The following AKAP9 variants were observed in gnomAD, a reference collection of about 807,000 sequenced individuals.
AKAP9 encodes A-kinase anchoring protein 9.
In AKAP9, 311 loss-of-function variants were observed where a neutral mutation model predicts 488.5. The observed-to-expected ratio is 0.64, with a 90% CI of 0.58 to 0.70. AKAP9 has a LOEUF of 0.70. Among genes scored for constraint, AKAP9 ranks in the 30% least tolerant of loss-of-function variants. The probability of loss-of-function intolerance (pLI) is 0.00; values close to 1 mark genes in which losing one functional copy is unlikely to be tolerated. For synonymous variants in AKAP9, 1,462 were observed against 1,483.5 expected, an observed-to-expected ratio of 0.99 and a Z score of 0.33; for missense variants, 4,215 against 4,374.5, an observed-to-expected ratio of 0.96 and a Z score of 1.03.
chr7:91,987,384 A>C (rs1164492434), intron 3 of AKAP9, among the ~76,000 whole-genome samples: 2 of 151,774 alleles, frequency 1.3e-5, no homozygotes, highest in Non-Finnish European at 2.9e-5. Context: ...GTGCCATTGC[A>C]CTCCAGCCTG....
intron 40 of AKAP9, among the ~76,000 whole-genome samples, chr7:92,096,096 T>G (rs1419361261): frequency 1.3e-5 from 2 of 152,144 alleles, no homozygotes; most frequent in African/African-American, 4.8e-5. Context: ...CAGGAACAGT[T>G]ATATTTTTAA....
chr7:92,014,364 G>C, intron 10 of AKAP9, 36 bp downstream of exon 10: 1 of 1,430,864 alleles, frequency 7.0e-7, no homozygotes, highest in East Asian at 2.3e-5. Flanking sequence ...GGCCAGATGT[G>C]GTGGCTGACA....
At chr7:91,976,515 C>T (rs1208103188) in intron 2 of AKAP9, among the ~76,000 whole-genome samples, 1 of 152,140 alleles carries the variant, frequency 6.6e-6, no homozygotes, top group South Asian at 2.1e-4. Context: ...GAGCCACTCA[C>T]TGCTCCCAAC....
chr7:92,013,733 G>C (rs1801113252), intron 9 of AKAP9, among the ~76,000 whole-genome samples: 1 of 152,082 alleles, frequency 6.6e-6, no homozygotes, highest in South Asian at 2.1e-4. Flanking sequence ...GGAGTGCTTT[G>C]GGTTTGAATT....
intron 8 of AKAP9, among the ~76,000 whole-genome samples, chr7:92,005,664 T>G (rs1231912106): frequency 1.3e-5 from 2 of 152,126 alleles, no homozygotes; most frequent in African/African-American, 4.8e-5. Flanking sequence ...GCTTAACGAT[T>G]TTTTTGTTTG....
chr7:92,016,099 C>G (rs1801474212), intron 10 of AKAP9, 30 bp from the exon 11 acceptor site: 1 of 1,568,240 alleles, frequency 6.4e-7, no homozygotes, highest in East Asian at 2.3e-5. Context: ...AATTTAAATT[C>G]CTTAAAATAC....
chr7:92,101,915 G>A (rs188513088), intron 45 of AKAP9, among the ~76,000 whole-genome samples: 5 of 152,158 alleles, frequency 3.3e-5, no homozygotes, highest in East Asian at 1.9e-4. Context: ...CCAGCACTTC[G>A]GGAGGCCAAG....
intron 28 of AKAP9, among the ~76,000 whole-genome samples, chr7:92,075,476 C>G (rs1372929772): frequency 6.6e-6 from 1 of 152,068 alleles, no homozygotes; most frequent in Admixed American, 6.5e-5. Flanking sequence ...AGTTTAATAA[C>G]CAGTGTTACA....
chr7:92,068,475 C>G (rs1811153895), intron 26 of AKAP9, among the ~76,000 whole-genome samples: 1 of 151,348 alleles, frequency 6.6e-6, no homozygotes, highest in African/African-American at 2.4e-5. Flanking sequence ...TGTTGTACTT[C>G]AAAGAATATT....
chr7:91,996,696 A>G (rs1484983746), intron 7 of AKAP9, among the ~76,000 whole-genome samples: 1 of 152,198 alleles, frequency 6.6e-6, no homozygotes, highest in East Asian at 1.9e-4. Context: ...GCAAGAACTC[A>G]CAAATATGGA....
chr7:92,043,243 C>T, intron 20 of AKAP9: 1 of 638,178 alleles, frequency 1.6e-6, no homozygotes, highest in Non-Finnish European at 2.0e-6. Flanking sequence ...ATTTCTGTGA[C>T]TGTCAACCCT....
chr7:92,080,814 A>G (rs1483455299), intron 31 of AKAP9, among the ~76,000 whole-genome samples: 1 of 152,056 alleles, frequency 6.6e-6, no homozygotes, highest in Non-Finnish European at 1.5e-5. Flanking sequence ...CCTTATTTGG[A>G]CCCAGTCTGC....
chr7:91,992,470 C>T (rs1170000433), intron 4 of AKAP9, among the ~76,000 whole-genome samples: 1 of 152,084 alleles, frequency 6.6e-6, no homozygotes, highest in East Asian at 1.9e-4. Context: ...TCGAGACCAG[C>T]CTGACCAACA....
At position 92,079,906 on chromosome 7, in the gene AKAP9, A is replaced by C. The variant is rs553800160; in HGVS notation, c.7773A>C (p.Gln2591His). 3.8e-4 allele frequency: 617 copies of C among 1,613,832 alleles called. 9 individuals are homozygous for C. The South Asian group carries it at 6.4e-3, about 17-fold the overall frequency. Residue 2591 changes from glutamine to histidine, a missense_variant, in exon 31 of 50, where the codon CAA becomes CAC. Gln to His is a conservative substitution (Grantham distance 24). Coordinates refer to ENST00000356239, the MANE Select transcript of AKAP9 (RefSeq NM_005751.5). ...PERTNIQNLN[Q>H]LREDELGSDI... Reference sequence around the variant, plus strand: ...GAACAAATATTCAGAATTTAAATCAACTAAGAGAAGATGAGTTGGGGTCAG... The same window carrying C: ...GAACAAATATTCAGAATTTAAATCACCTAAGAGAAGATGAGTTGGGGTCAG...
chr7:92,107,629 G>T (rs1334230358), intron 48 of AKAP9: 2 of 496,338 alleles, frequency 4.0e-6, no homozygotes, highest in Non-Finnish European at 7.2e-6. Context: ...GAGGTCAGGA[G>T]TTCAAGACCA....
chr7:91,950,131 A>G (rs561111742), intron 1 of AKAP9, among the ~76,000 whole-genome samples: 26 of 152,054 alleles, frequency 1.7e-4, no homozygotes, highest in African/African-American at 5.8e-4. Context: ...TCTCTCTCCT[A>G]TTAGTACTGA....
intron 7 of AKAP9, among the ~76,000 whole-genome samples, chr7:91,996,566 C>G (rs1358327691): frequency 3.3e-5 from 5 of 152,076 alleles, no homozygotes; most frequent in Admixed American, 6.6e-5. Context: ...GTGTGGTCAC[C>G]TTGTTTGACC....
At chr7:91,979,963 G>T (rs1377138523) in intron 2 of AKAP9, among the ~76,000 whole-genome samples, 1 of 152,256 alleles carries the variant, frequency 6.6e-6, no homozygotes, top group African/African-American at 2.4e-5. Flanking sequence ...GGATAAAGAG[G>T]GGGCTACTGT....
chr7:92,102,473 TACTACTACTACTACTACC>T, intron 45 of AKAP9, 103 bp from the exon 46 acceptor site: 1 of 705,098 alleles, frequency 1.4e-6, no homozygotes, highest in East Asian at 2.7e-5. Flanking sequence ...CTACTACTAC[TACTACTACTACTACTACC>T]ACCACCACCA....
Sources: allele counts gnomAD v4.1 joint callset (sites outside exome capture counted in the v4.1 genomes callset), GRCh38; gene constraint gnomAD v4.1.1; transcripts MANE v1.5; gene names NCBI Gene and HGNC (gene_info 2026-07-23, HGNC 2026-07-21).